TTN: variants seen among roughly 807,000 people sequenced by gnomAD.
TTN encodes connectin.
TTN carries 1,525 observed loss-of-function variants against 3,223.0 expected under a neutral mutation model. The ratio of observed to expected loss-of-function variants is 0.47; its 90% CI spans 0.45 to 0.49. TTN has a LOEUF of 0.49. TTN is among the 20% of genes least tolerant of loss of function. The pLI, the probability that TTN is intolerant of heterozygous loss-of-function variation, is 0.00. For missense variants in TTN, 40,786 were observed against 43,424.0 expected (o/e 0.94, Z 5.40); for synonymous variants, 14,094 against 15,161.0 (o/e 0.93, Z 5.17).
chr2:178,802,445 C>A, intron 2 of TTN, 104 bp from the exon 3 acceptor site: 1 of 1,337,068 alleles, frequency 7.5e-7, no homozygotes, highest in South Asian at 1.3e-5. Context: ...TAAAAGCTTT[C>A]CAGCATGGAA....
At chr2:178,604,600 G>A (rs562232161) in intron 281 of TTN, 108 bp downstream of exon 281, 57 of 1,196,980 alleles carry the variant, frequency 4.8e-5, no homozygotes, top group East Asian at 3.4e-4. Context: ...ACAGCTTATC[G>A]TGTGTGGTTT....
intron 47 of TTN, chr2:178,752,043 G>GAAA (rs58651353): frequency 1.9e-5 from 26 of 1,399,384 alleles, no homozygotes; most frequent in African/African-American, 3.1e-5. Context: ...AATAATTCTG[G>GAAA]AAAAAAAAAA....
intron 47 of TTN, chr2:178,745,508 T>C (rs749128842): frequency 3.2e-6 from 5 of 1,579,056 alleles, no homozygotes; most frequent in Admixed American, 1.8e-5. Flanking sequence ...GGAAGTTTAT[T>C]AGATCCACAT....
intron 149 of TTN, 44 bp from the exon 150 acceptor site, chr2:178,675,157 C>A: frequency 7.4e-7 from 1 of 1,346,736 alleles, no homozygotes; most frequent in South Asian, 1.4e-5. Context: ...ATGCAAGAAC[C>A]AAAGAAGAAT....
chr2:178,729,973 T>C, intron 62 of TTN, 28 bp from the exon 63 acceptor site: 2 of 1,601,884 alleles, frequency 1.2e-6, no homozygotes, highest in Non-Finnish European at 1.7e-6. Flanking sequence ...ATTGTGATGT[T>C]GAATATTTTT....
intron 2 of TTN, 27 bp from the exon 3 acceptor site, chr2:178,802,368 A>G: frequency 6.2e-7 from 1 of 1,602,190 alleles, no homozygotes. Context: ...ATTCACCTTT[A>G]TGTTTGAATG....
rs562741803 is a variant in TTN at position 178,795,215 on chromosome 2, T to C, written c.952A>G (p.Ile318Val). The change falls in exon 7 of 363, where the codon ATC becomes GTC. Residue 318 changes from isoleucine (I) to valine (V), a missense_variant. Physicochemically the swap from Ile to Val is conservative, Grantham distance 29. Transcript: ENST00000589042. ...AGCAATGGAGACCTAACAGACCTGA[T>C]GGGGGATGTGGAGATTCTTGCTGCT... ...SPAARISTSP[I>V]RSVRSPLLMR... The C allele has an allele frequency of 1.3e-5, 21 of 1,613,918 alleles. No homozygotes were observed. The East Asian group carries it at 1.6e-4, about 12-fold the overall frequency.
At chr2:178,679,850 C>A in intron 140 of TTN, 44 bp downstream of exon 140, 1 of 1,604,840 alleles carries the variant, frequency 6.2e-7, no homozygotes, top group Non-Finnish European at 8.5e-7. Context: ...CCCCCAAACT[C>A]CAAAGATGCT....
At chr2:178,650,070 A>G in intron 210 of TTN, 94 bp downstream of exon 210, 2 of 1,325,490 alleles carry the variant, frequency 1.5e-6, no homozygotes, top group East Asian at 2.5e-5. Context: ...TTCAGGCAAC[A>G]AGATACAAGA....
At position 178,719,401 on chromosome 2, in the gene TTN, T is replaced by C. The variant is rs758227131; in HGVS notation, c.23989A>G (p.Ile7997Val). 13 of 1,613,488 alleles carry C rather than the reference T, an allele frequency of 8.1e-6. No individual in the cohort carries two copies. The Admixed American group carries it at 8.3e-5, about 10-fold the overall frequency. ...TCCAAAACAACTGAGGCCCCCAGGA[T>C]GGCATTCACGTCTTTCAGCTTGCGG... The part of the protein sequence containing the change: ...FIRKLKDVNA[I>V]LGASVVLECR... Residue 7997 changes from isoleucine to valine, a missense_variant, in exon 83 of 363, where the codon ATC (isoleucine) becomes GTC (valine). Ile to Val is a conservative substitution (Grantham distance 29). Transcript: ENST00000589042.
Position 178,634,278 on chromosome 2 carries a change from C to A in TTN, c.42415+88G>T. On this transcript the variant is annotated intron_variant, in intron 230 of 362. Transcript: ENST00000589042. The surrounding 1 kb of genome is among the most constrained non-coding windows in gnomAD (Gnocchi z 4.6). ...TGAAAGTTAATTAGTGATGCATTAT[C>A]ACAGCTTTTAGAACTTGGCGTCCTA... 2 of 1,525,436 alleles carry A rather than the reference C, an allele frequency of 1.3e-6. No homozygotes were observed. Among genetic ancestry groups the A allele is most frequent in the South Asian group, 1.3e-5 (1 of 79,184 alleles). 94.5% of individuals were successfully genotyped at this position (1,525,436 alleles called of 1,614,324 possible).
In TTN at chr2:178,589,133, C is replaced by A; in HGVS notation, c.62592G>T (p.Lys20864Asn). 6.2e-7 allele frequency: 1 copy of A among 1,612,942 alleles called. No homozygotes were observed. Among genetic ancestry groups the A allele is most frequent in the Non-Finnish European group, 8.5e-7 (1 of 1,179,624 alleles). ...TTTTCAGATTTCTCACAGGACCAGG[C>A]TTATCTAAAACATTGACAGTGGCAT... ...VAYATVNVLD[K>N]PGPVRNLKIV... The change falls in exon 304 of 363, where the codon AAG becomes AAT. Residue 20864 changes from lysine to asparagine, a missense_variant. Transcript: ENST00000589042.
Position 178,769,738 on chromosome 2 carries a change from G to T in TTN, c.8843C>A (p.Ser2948Ter), listed in dbSNP as rs397517763. ...LIIMNTSTED[S>*]AEYTFVCGND... ...GCCACAGACAAATGTGTATTCTGCC[G>T]AGTCCTCTGTGCTGGTGTTCATGAT... Residue 2948 changes from serine (S) to a stop codon, truncating the protein, a stop_gained, in exon 37 of 363, where the codon TCG becomes TAG. Coordinates refer to ENST00000589042, the MANE Select transcript of TTN (RefSeq NM_001267550.2). LOFTEE classifies it high-confidence loss of function. The T allele has an allele frequency of 1.2e-6, 2 of 1,613,816 alleles. No individual in the cohort carries two copies. The highest frequency in any genetic ancestry group is 8.5e-7 in the Non-Finnish European group (1 of 1,179,932).
In TTN at chr2:178,561,640, C is replaced by A; in HGVS notation, c.84492G>T (p.Val28164=). ...PPGPPGTPKV[V]HATKSTMLVT... is the part of the protein sequence containing the mutation. Reference sequence around the variant, plus strand: ...CAAGCATGGTAGATTTTGTGGCATGCACAACTTTAGGAGTACCAGGAGGAC... The same window carrying A: ...CAAGCATGGTAGATTTTGTGGCATGAACAACTTTAGGAGTACCAGGAGGAC... The change falls in exon 326 of 363, where the codon GTG becomes GTT. Residue 28164 remains valine (V), a synonymous_variant. Transcript: ENST00000589042. 1.9e-6 allele frequency: 3 copies of A among 1,610,814 alleles called. No homozygotes were observed. Among genetic ancestry groups the A allele is most frequent in the South Asian group, 1.1e-5 (1 of 90,546 alleles).
rs758139658 is a variant in TTN at position 178,559,303 on chromosome 2, A to G, written c.86821+8T>C. On this transcript the variant is annotated splice_region_variant and intron_variant, in intron 326 of 362. Transcript: ENST00000589042. ...GATATGTAGAATTTCCTTATTCTTA[A>G]AACATACCTGTTATTTTTACTCCTT... 6.3e-7 allele frequency: 1 copy of G among 1,575,670 alleles called. No individual in the cohort carries two copies. Among genetic ancestry groups the G allele is most frequent in the Non-Finnish European group, 8.6e-7 (1 of 1,161,230 alleles).
rs753446112 is a variant in TTN, at chr2:178,719,774, A to T, written c.23718T>A (p.Phe7906Leu). 12 of 1,613,350 alleles carry T rather than the reference A, an allele frequency of 7.4e-6. No homozygotes were observed. In the East Asian group the frequency reaches 2.7e-4, roughly 36 times the overall value. ...EPMTVTTGNPFALECVVTGTP... is the reference protein window; with the variant it reads ...EPMTVTTGNPLALECVVTGTP... ...TTCCAGTCACTACACACTCTAATGC[A>T]AAAGGATTTCCAGTAGTGACAGTCA... is the stretch of plus-strand genomic sequence containing the variant. Residue 7906 changes from phenylalanine to leucine, a missense_variant, in exon 82 of 363, where the codon TTT becomes TTA. Physicochemically the swap from Phe to Leu is conservative, Grantham distance 22. Coordinates refer to ENST00000589042, the MANE Select transcript of TTN (RefSeq NM_001267550.2).
In TTN at chr2:178,590,674, C is replaced by T; in HGVS notation, c.61051G>A (p.Ala20351Thr). Residue 20351 changes from alanine to threonine, a missense_variant, in exon 304 of 363, where the codon GCA (alanine) becomes ACA (threonine). By Grantham distance (58) the Ala-to-Thr change is moderately conservative. Transcript: ENST00000589042. ...YEFRVFAENL[A>T]GLSKPSPSSD... is the part of the protein sequence containing the mutation. Reference sequence around the variant, plus strand: ...CTTGGGGATGGTTTGCTTAGTCCTGCAAGATTTTCAGCAAAAACTCTAAAC... The same window carrying T: ...CTTGGGGATGGTTTGCTTAGTCCTGTAAGATTTTCAGCAAAAACTCTAAAC... 1.2e-6 allele frequency: 2 copies of T among 1,613,176 alleles called. No homozygotes were observed. The highest frequency in any genetic ancestry group is 1.7e-6 in the Non-Finnish European group (2 of 1,179,440).
intron 359 of TTN, among the ~76,000 whole-genome samples, chr2:178,529,527 A>G (rs1029380452): frequency 2.0e-5 from 3 of 152,368 alleles, no homozygotes; most frequent in African/African-American, 7.2e-5. Context: ...TGAGTAACCA[A>G]AACATTAAAT....
chr2:178,790,111 A>G lies in TTN; in HGVS notation c.1805T>C (p.Met602Thr). ...TACAACTGTTTTCCTAGTTTCCTTC[A>G]TTATCTGATCATACAAAAGAAAGTA... ...DQMHLSYEKI[M>T]KETRKTVVPK... Residue 602 changes from methionine (M) to threonine (T), a missense_variant, in exon 12 of 363, where the codon ATG becomes ACG. Coordinates refer to ENST00000589042, the MANE Select transcript of TTN (RefSeq NM_001267550.2). The G allele has an allele frequency of 1.9e-6, 3 of 1,612,476 alleles. No individual in the cohort carries two copies. Among genetic ancestry groups the G allele is most frequent in the Non-Finnish European group, 1.7e-6 (2 of 1,179,154 alleles).
Sources: allele counts gnomAD v4.1 joint callset (sites outside exome capture counted in the v4.1 genomes callset), GRCh38; gene constraint gnomAD v4.1.1; non-coding constraint Gnocchi (gnomAD v3.1); transcripts MANE v1.5; gene names NCBI Gene and HGNC (gene_info 2026-07-23, HGNC 2026-07-21).